Variants in ZNF385B observed in about 807,000 individuals in gnomAD.
The protein encoded by ZNF385B is zinc finger protein 385B.
In ZNF385B, 23 loss-of-function variants were observed where a neutral mutation model predicts 39.2. That is an observed-to-expected ratio of 0.59 (90% CI 0.42 to 0.83). The LOEUF is 0.83. ZNF385B is among the 40% of genes least tolerant of loss of function. ZNF385B has a pLI of 0.00. For synonymous variants in ZNF385B, 205 were observed against 222.6 expected (o/e 0.92, Z 0.70); for missense variants, 552 against 598.9 (o/e 0.92, Z 0.82).
intron 1 of ZNF385B, among the ~76,000 whole-genome samples, chr2:179,808,657 A>G (rs1706545081): frequency 6.6e-6 from 1 of 152,182 alleles, no homozygotes; most frequent in African/African-American, 2.4e-5. Context: ...ATAAATGACA[A>G]AGAGGAGATT....
chr2:179,502,095 G>T (rs940129498), intron 5 of ZNF385B, among the ~76,000 whole-genome samples: 12 of 152,054 alleles, frequency 7.9e-5, no homozygotes, highest in African/African-American at 2.4e-4. Flanking sequence ...CTTTGTTTTG[G>T]CCAATTTCTC....
intron 3 of ZNF385B, among the ~76,000 whole-genome samples, chr2:179,619,003 C>G (rs535430910): frequency 6.6e-6 from 1 of 152,190 alleles, no homozygotes; most frequent in South Asian, 2.1e-4. Flanking sequence ...GAAACAACAC[C>G]TGGTCTGTTT....
rs201040120 is a variant in ZNF385B at position 179,811,125 on chromosome 2, T to A, written c.-154-40453A>T. 5.3e-5 allele frequency among the ~76,000 whole-genome samples: 8 copies of A among 152,038 alleles called. No homozygotes were observed. In the East Asian group the frequency reaches 1.5e-3, roughly 29 times the overall value. The stretch of plus-strand genomic sequence containing the variant: ...CCAAGGATGTAAAAGATTTTCATAG[T>A]GATAACTTCAAAACACTGCTGAAAG... On this transcript the variant is annotated intron_variant, in intron 1 of 9. Coordinates refer to ENST00000410066, the MANE Select transcript of ZNF385B (RefSeq NM_152520.6).
At chr2:179,527,424 A>G (rs1463211707) in intron 4 of ZNF385B, among the ~76,000 whole-genome samples, 1 of 152,112 alleles carries the variant, frequency 6.6e-6, no homozygotes, top group African/African-American at 2.4e-5. Context: ...ATATTTGTAT[A>G]TTCCATTGAC....
At chr2:179,747,823 C>CTGGG (rs1272285202) in intron 3 of ZNF385B, among the ~76,000 whole-genome samples, 1 of 152,024 alleles carries the variant, frequency 6.6e-6, no homozygotes, top group Non-Finnish European at 1.5e-5. Context: ...TAATGCCGCA[C>CTGGG]TGGGGTCTGG....
At chr2:179,661,101 A>C (rs961816627) in intron 3 of ZNF385B, among the ~76,000 whole-genome samples, 3 of 152,186 alleles carry the variant, frequency 2.0e-5, no homozygotes, top group Non-Finnish European at 4.4e-5. Context: ...TATTTTGGTT[A>C]AAGCAAGGTT....
intron 1 of ZNF385B, among the ~76,000 whole-genome samples, chr2:179,826,075 A>C (rs1396385521): frequency 1.1e-4 from 17 of 152,170 alleles, no homozygotes; most frequent in Admixed American, 1.1e-3. Flanking sequence ...CCAGCAAATG[A>C]GAGCCTAAAA....
intron 1 of ZNF385B, among the ~76,000 whole-genome samples, chr2:179,857,547 G>C (rs957115387): frequency 1.3e-5 from 2 of 152,100 alleles, no homozygotes; most frequent in East Asian, 1.9e-4. Flanking sequence ...CATAAGCAAC[G>C]ACACAGAGCT....
At chr2:179,661,299 C>G (rs1272104611) in intron 3 of ZNF385B, among the ~76,000 whole-genome samples, 2 of 152,148 alleles carry the variant, frequency 1.3e-5, no homozygotes, top group Admixed American at 6.5e-5. Flanking sequence ...CTATTTTTGC[C>G]ATTATGAAAT....
At chr2:179,604,627 C>T (rs1198641053) in intron 3 of ZNF385B, among the ~76,000 whole-genome samples, 1 of 151,638 alleles carries the variant, frequency 6.6e-6, no homozygotes, top group African/African-American at 2.4e-5. Context: ...GAGGTTTTTC[C>T]TAAGTAAATA....
chr2:179,840,657 T>C (rs937636752), intron 1 of ZNF385B, among the ~76,000 whole-genome samples: 1 of 152,230 alleles, frequency 6.6e-6, no homozygotes, highest in African/African-American at 2.4e-5. Context: ...TTGAAGTTTC[T>C]GTATTTATTT....
At chr2:179,801,476 C>T (rs1293094642) in intron 1 of ZNF385B, among the ~76,000 whole-genome samples, 1 of 152,000 alleles carries the variant, frequency 6.6e-6, no homozygotes, top group African/African-American at 2.4e-5. Context: ...CACATCCTCC[C>T]AAGACAAAGT....
At chr2:179,608,842 CTGTGTGTGTGTGTGTG>C (rs60633100) in intron 3 of ZNF385B, among the ~76,000 whole-genome samples, 10,785 of 134,610 alleles carry the variant, frequency 0.08, 468 homozygotes, top group Middle Eastern at 0.16. Context: ...AGGGCCAAGA[CTGTGTGTGTGTGTGTG>C]TGTGTGTGTG....
chr2:179,635,367 C>T, intron 3 of ZNF385B, among the ~76,000 whole-genome samples: 1 of 92,032 alleles, frequency 1.1e-5, no homozygotes, highest in Admixed American at 1.6e-4. Flanking sequence ...AGGAACATCA[C>T]ACTGGGGCCT....
chr2:179,645,205 G>T (rs1692613152), intron 3 of ZNF385B, among the ~76,000 whole-genome samples: 2 of 152,168 alleles, frequency 1.3e-5, no homozygotes, highest in South Asian at 4.1e-4. Flanking sequence ...ACGGCAGCTG[G>T]AACAAATTCT....
At chr2:179,650,611 G>C (rs1410496345) in intron 3 of ZNF385B, among the ~76,000 whole-genome samples, 1 of 152,212 alleles carries the variant, frequency 6.6e-6, no homozygotes, top group East Asian at 1.9e-4. Flanking sequence ...GTAACAAGCT[G>C]TCATGTGGAG....
At chr2:179,847,837 T>G (rs186264976) in intron 1 of ZNF385B, among the ~76,000 whole-genome samples, 1 of 152,320 alleles carries the variant, frequency 6.6e-6, no homozygotes, top group Admixed American at 6.5e-5. Context: ...TCATTGCACC[T>G]ACGTATGTGG....
intron 1 of ZNF385B, among the ~76,000 whole-genome samples, chr2:179,836,761 A>G (rs888071400): frequency 2.0e-5 from 3 of 151,130 alleles, no homozygotes; most frequent in Admixed American, 2.0e-4. Context: ...CTCATGATCC[A>G]CCCGCCTCGG....
chr2:179,656,648 C>T (rs1339195539), intron 3 of ZNF385B, among the ~76,000 whole-genome samples: 1 of 152,152 alleles, frequency 6.6e-6, no homozygotes, highest in East Asian at 1.9e-4. Context: ...CCCTCATCTA[C>T]AGCAGTGTTT....
Sources: gnomAD v4.1 joint callset for allele counts (sites outside exome capture counted in the v4.1 genomes callset) on GRCh38, gnomAD v4.1.1 for gene constraint, MANE v1.5 for transcripts, NCBI Gene and HGNC (gene_info 2026-07-23, HGNC 2026-07-21) for gene names.